PTP4A1: variants seen among roughly 807,000 people sequenced by gnomAD.
PTP4A1 encodes protein tyrosine phosphatase type IVA 1.
In PTP4A1, 9 loss-of-function variants were observed where a neutral mutation model predicts 20.5. That is an observed-to-expected ratio of 0.44 (90% CI 0.26 to 0.77). The LOEUF (loss-of-function observed/expected upper bound fraction) is 0.77. Ranked by LOEUF, PTP4A1 falls within the 30% of genes least tolerant of loss-of-function variation. The probability of loss-of-function intolerance (pLI) is 0.19; values close to 1 mark genes in which losing one functional copy is unlikely to be tolerated. For missense variants in PTP4A1, 137 were observed against 218.8 expected (o/e 0.63, Z 2.36); for synonymous variants, 78 against 67.4 (o/e 1.16, Z -0.77).
At chr6:63,549,452 T>A in intron 2 of PTP4A1, 1 of 795,340 alleles carries the variant, frequency 1.3e-6, no homozygotes, top group South Asian at 1.4e-5. Context: ...TCCTGCTTCT[T>A]CACGACAGCA....
At chr6:63,531,471 A>G (rs1775460004) in intron 2 of PTP4A1, among the ~76,000 whole-genome samples, 1 of 151,558 alleles carries the variant, frequency 6.6e-6, no homozygotes, top group African/African-American at 2.4e-5. Flanking sequence ...AGAAGAGATA[A>G]TGTAATATTT....
intron 3 of PTP4A1, among the ~76,000 whole-genome samples, chr6:63,555,292 G>A (rs1776631109): frequency 6.6e-6 from 1 of 152,130 alleles, no homozygotes; most frequent in South Asian, 2.1e-4. Context: ...CAGATTTTTA[G>A]AATGAAACAA....
intron 2 of PTP4A1, 144 bp downstream of exon 2, chr6:63,577,129 A>G (rs1467828811): frequency 4.5e-6 from 3 of 664,238 alleles, no homozygotes; most frequent in African/African-American, 1.8e-5. Flanking sequence ...AATGTCTTCT[A>G]TAGGTTAGAG....
At position 63,580,845 on chromosome 6, in the gene PTP4A1, T is replaced by C. The variant is rs1778184803; in HGVS notation, c.*671T>C. Reference sequence around the variant, plus strand: ...AAAATCTACGTTGTACAGAAGCACATGTCTTTAATGTCTTCAGACAAAAAA... The same window carrying C: ...AAAATCTACGTTGTACAGAAGCACACGTCTTTAATGTCTTCAGACAAAAAA... On this transcript the variant is annotated 3_prime_UTR_variant, in exon 6 of 6. Coordinates refer to ENST00000626021, the MANE Select transcript of PTP4A1 (RefSeq NM_003463.5). 1 of 152,532 alleles carries C rather than the reference T, an allele frequency of 6.6e-6. No individual in the cohort carries two copies. The highest frequency in any genetic ancestry group is 1.5e-5 in the Non-Finnish European group (1 of 68,012). 9.4% of individuals were successfully genotyped at this position (152,532 alleles called of 1,614,324 possible).
chr6:63,548,567 C>G (rs1172225188), intron 2 of PTP4A1: 1 of 257,626 alleles, frequency 3.9e-6, no homozygotes, highest in Non-Finnish European at 7.6e-6. Flanking sequence ...TCTCCAAGCA[C>G]AGCTCAGGGT....
At chr6:63,542,736 A>C (rs1012265583) in intron 2 of PTP4A1, among the ~76,000 whole-genome samples, 3 of 152,134 alleles carry the variant, frequency 2.0e-5, no homozygotes, top group African/African-American at 7.2e-5. Flanking sequence ...CTCCTTTGCC[A>C]ACCTCTCCGC....
At chr6:63,555,769 C>T (rs150932461) in intron 3 of PTP4A1, among the ~76,000 whole-genome samples, 107 of 151,312 alleles carry the variant, frequency 7.1e-4, no homozygotes, top group Middle Eastern at 3.4e-3. Context: ...TCCCGGCTCA[C>T]TGCAACTTCT....
intron 3 of PTP4A1, among the ~76,000 whole-genome samples, chr6:63,556,960 T>C (rs369336054): frequency 6.6e-6 from 1 of 152,232 alleles, no homozygotes; most frequent in East Asian, 1.9e-4. Flanking sequence ...TCAGGGTTTC[T>C]GTTGTCTACC....
chr6:63,517,121 G>A (rs927434684), upstream of PTP4A1, among the ~76,000 whole-genome samples: 1 of 152,036 alleles, frequency 6.6e-6, no homozygotes, highest in Non-Finnish European at 1.5e-5. Flanking sequence ...TAGTAAGTGT[G>A]CAATACATCA....
At chr6:63,527,962 A>T (rs964827658) in exon 2 of PTP4A1, 13 of 152,178 alleles carry the variant, frequency 8.5e-5, no homozygotes, top group Non-Finnish European at 7.3e-5. Flanking sequence ...AAAAGCATCT[A>T]TGTGTTTATG....
chr6:63,528,550 C>T (rs1321755789), intron 2 of PTP4A1, among the ~76,000 whole-genome samples: 1 of 151,852 alleles, frequency 6.6e-6, no homozygotes, highest in South Asian at 2.1e-4. Flanking sequence ...CATGGTGAAA[C>T]CTCATCTCTA....
chr6:63,573,365 C>T (rs928480235), intron 1 of PTP4A1: 7 of 152,466 alleles, frequency 4.6e-5, no homozygotes, highest in African/African-American at 1.2e-4. Context: ...CTCGGAGCTC[C>T]GGGGTGGGCG....
At chr6:63,568,218 C>T (rs1303455963), upstream of PTP4A1, among the ~76,000 whole-genome samples, 5 of 152,156 alleles carry the variant, frequency 3.3e-5, no homozygotes, top group Admixed American at 1.3e-4. Flanking sequence ...GCCTAGTTTT[C>T]GGCCTATCTC....
At chr6:63,572,457 G>T (rs1426636402), upstream of PTP4A1, 2 of 383,736 alleles carry the variant, frequency 5.2e-6, no homozygotes, top group Non-Finnish European at 4.6e-6. Context: ...GGCTATAAAG[G>T]GGAGGGCTTG....
At chr6:63,534,866 A>G (rs1170847424) in intron 2 of PTP4A1, among the ~76,000 whole-genome samples, 1 of 112,206 alleles carries the variant, frequency 8.9e-6, no homozygotes, top group Non-Finnish European at 1.9e-5. Context: ...ATTCTTTACT[A>G]AAGAATTTCA....
upstream of PTP4A1, chr6:63,572,201 A>C: frequency 6.4e-6 from 1 of 156,210 alleles, no homozygotes; most frequent in Non-Finnish European, 1.4e-5. Context: ...ATAAATCGGA[A>C]TCTCTCTCGC....
At chr6:63,570,454 C>T (rs78019768), upstream of PTP4A1, among the ~76,000 whole-genome samples, 2,660 of 152,246 alleles carry the variant, frequency 0.017, 36 homozygotes, top group Middle Eastern at 0.041. Flanking sequence ...GCTAAGACCC[C>T]CAGGCCACTT....
intron 2 of PTP4A1, among the ~76,000 whole-genome samples, chr6:63,531,434 A>G (rs1775458027): frequency 6.6e-6 from 1 of 152,148 alleles, no homozygotes; most frequent in Non-Finnish European, 1.5e-5. Flanking sequence ...TTTAATGCAA[A>G]ATGCCTACAT....
In PTP4A1 at chr6:63,582,422, A is replaced by G. The variant is rs531469914; in HGVS notation, c.*2248A>G. 6.6e-6 allele frequency: 1 copy of G among 152,540 alleles called. No homozygotes were observed. Among genetic ancestry groups the G allele is most frequent in the Non-Finnish European group, 1.5e-5 (1 of 67,998 alleles). The allele number at this position is 152,540 out of a possible 1,614,324, so 9.4% of individuals were successfully genotyped here. A position where few individuals can be genotyped will look rare whatever the true frequency, so the allele number is the denominator to read the frequency against. On this transcript the variant is annotated 3_prime_UTR_variant, in exon 6 of 6. Coordinates refer to ENST00000626021, the MANE Select transcript of PTP4A1 (RefSeq NM_003463.5). ...AAAAATAAATTAATTTACTTTATAA[A>G]CCTTATCTGTACATTATACGATGTG...
Sources: gnomAD v4.1 joint callset for allele counts (sites outside exome capture counted in the v4.1 genomes callset) on GRCh38, gnomAD v4.1.1 for gene constraint, MANE v1.5 for transcripts, NCBI Gene and HGNC (gene_info 2026-07-23, HGNC 2026-07-21) for gene names.